The following EDF1 variants were observed in gnomAD, a reference collection of about 807,000 sequenced individuals.
EDF1 encodes the protein endothelial differentiation-related factor 1.
EDF1 carries 5 observed loss-of-function variants against 20.8 expected under a neutral mutation model. The ratio of observed to expected loss-of-function variants is 0.24; its 90% CI spans 0.13 to 0.51. The LOEUF is 0.51. Among genes scored for constraint, EDF1 ranks in the 20% least tolerant of loss-of-function variants. The probability of loss-of-function intolerance (pLI) is 0.97; values close to 1 mark genes in which losing one functional copy is unlikely to be tolerated. For missense variants in EDF1, 137 were observed against 197.8 expected, an observed-to-expected ratio of 0.69 and a Z score of 1.84; for synonymous variants, 96 against 78.5, an observed-to-expected ratio of 1.22 and a Z score of -1.18.
Position 136,862,355 on chromosome 9 carries a change from G to A in EDF1, c.386-10C>T, listed in dbSNP as rs777330656. On this transcript the variant is annotated splice_polypyrimidine_tract_variant and intron_variant, in intron 4 of 4. Transcript: ENST00000224073. The surrounding 1 kb of genome is among the most constrained non-coding windows in gnomAD (Gnocchi z 4.1). ...CCCCGGAGCTTGAGGCCTGAAATGAGCCACAGCCACTGGCCACTGCAGCAC... is the reference window on the plus strand; with the variant it reads ...CCCCGGAGCTTGAGGCCTGAAATGAACCACAGCCACTGGCCACTGCAGCAC... 18 of 1,613,954 alleles carry A rather than the reference G, an allele frequency of 1.1e-5. No homozygotes were observed. The highest frequency in any genetic ancestry group is 1.5e-5 in the Non-Finnish European group (18 of 1,180,002).
chr9:136,865,916 C>T (rs1037071585), intron 1 of EDF1, among the ~76,000 whole-genome samples: 2 of 151,038 alleles, frequency 1.3e-5, no homozygotes, highest in African/African-American at 2.4e-5. Context: ...CTCCAGTCGC[C>T]CGCCCCCTGC....
chr9:136,864,008 T>C (rs1849165153), intron 1 of EDF1, 137 bp from the exon 2 acceptor site: 13 of 852,558 alleles, frequency 1.5e-5, no homozygotes, highest in Admixed American at 2.3e-5. Flanking sequence ...CAGTCCTGGG[T>C]TCAGTTACCT....
At position 136,866,105 on chromosome 9, in the gene EDF1, C is replaced by G. The variant is rs1849220253; in HGVS notation, c.78+76G>C. 12 of 1,460,892 alleles carry G rather than the reference C, an allele frequency of 8.2e-6. No homozygotes were observed. The South Asian group carries it at 1.5e-4, about 18-fold the overall frequency. 90.5% of individuals were successfully genotyped at this position (1,460,892 alleles called of 1,614,324 possible). A position where few individuals can be genotyped will look rare whatever the true frequency, so the allele number is the denominator to read the frequency against. On this transcript the variant is annotated intron_variant, in intron 1 of 4. Coordinates refer to ENST00000224073, the MANE Select transcript of EDF1 (RefSeq NM_003792.4). ...AGGCCCCGCCTGCCCTTCCCCGAGCCCCCTGCCCCACGGTCCGTGGCCCCG... is the reference window on the plus strand; with the variant it reads ...AGGCCCCGCCTGCCCTTCCCCGAGCGCCCTGCCCCACGGTCCGTGGCCCCG...
rs1036614558 is a variant in EDF1 at position 136,866,280 on chromosome 9, G to A, written c.-22C>T. The stretch of plus-strand genomic sequence containing the variant: ...CCATGGCGGGCGAAGACGAGCGTCC[G>A]TCCGGCGGCTCAGCGGCAGCTGCTA... On this transcript the variant is annotated 5_prime_UTR_variant, in exon 1 of 5. The change creates a new upstream start codon in the 5' untranslated region. Transcript: ENST00000224073. 7 of 1,591,640 alleles carry A rather than the reference G, an allele frequency of 4.4e-6. No individual in the cohort carries two copies. The highest frequency in any genetic ancestry group is 1.7e-5 in the Admixed American group (1 of 58,628).
chr9:136,866,267 A>C lies in EDF1; in HGVS notation c.-9T>G. ...CAGTCGCTCTCGGCCATGGCGGGCG[A>C]AGACGAGCGTCCGTCCGGCGGCTCA... On this transcript the variant is annotated 5_prime_UTR_variant, in exon 1 of 5. Transcript: ENST00000224073. The C allele has an allele frequency of 6.3e-7, 1 of 1,594,048 alleles. No individual in the cohort carries two copies. Among genetic ancestry groups the C allele is most frequent in the Non-Finnish European group, 8.5e-7 (1 of 1,173,774 alleles).
At position 136,863,109 on chromosome 9, in the gene EDF1, C is replaced by G; in HGVS notation, c.292-110G>C. 1 of 1,531,480 alleles carries G rather than the reference C, an allele frequency of 6.5e-7. No individual in the cohort carries two copies. Among genetic ancestry groups the G allele is most frequent in the Non-Finnish European group, 8.9e-7 (1 of 1,117,828 alleles). The allele number at this position is 1,531,480 out of a possible 1,614,324, so 94.9% of individuals were successfully genotyped here. A position where few individuals can be genotyped will look rare whatever the true frequency, so the allele number is the denominator to read the frequency against. On this transcript the variant is annotated intron_variant, in intron 3 of 4. Coordinates refer to ENST00000224073, the MANE Select transcript of EDF1 (RefSeq NM_003792.4). This position sits in a 1 kb window ranked among gnomAD's most constrained non-coding sequence, Gnocchi z 4.5. ...CTTCTAGGGCCCCTGGGGTACGCAC[C>G]CACACGCAGCTGGGTTTTGTGCGAG...
chr9:136,862,607 T>G lies in EDF1; in HGVS notation c.386-262A>C. The G allele has an allele frequency of 6.5e-7, 1 of 1,538,126 alleles. No homozygotes were observed. On this transcript the variant is annotated intron_variant, in intron 4 of 4. Coordinates refer to ENST00000224073, the MANE Select transcript of EDF1 (RefSeq NM_003792.4). This position sits in a 1 kb window ranked among gnomAD's most constrained non-coding sequence, Gnocchi z 4.1. ...GTGGAACTGGCTTCCGGCCCCATGCTGACAGGGCCCGGACCCGCTGTGCTC... is the reference window on the plus strand; with the variant it reads ...GTGGAACTGGCTTCCGGCCCCATGCGGACAGGGCCCGGACCCGCTGTGCTC...
Position 136,863,669 on chromosome 9 carries a change from GAA to G in EDF1, c.130+149_130+150del. On this transcript the variant is annotated intron_variant, in intron 2 of 4. Coordinates refer to ENST00000224073, the MANE Select transcript of EDF1 (RefSeq NM_003792.4). This position sits in a 1 kb window ranked among gnomAD's most constrained non-coding sequence, Gnocchi z 4.5. ...CTCATGCCAACCAGAGCTGCTCTGGGAAGATGGCTGCCTCCCAGGGCTCCGGC... is the reference window on the plus strand; with the variant it reads ...CTCATGCCAACCAGAGCTGCTCTGGGGATGGCTGCCTCCCAGGGCTCCGGC... 1.8e-6 allele frequency: 2 copies of G among 1,114,018 alleles called. No individual in the cohort carries two copies. The highest frequency in any genetic ancestry group is 2.9e-5 in the South Asian group (2 of 69,746). 69.0% of individuals were successfully genotyped at this position (1,114,018 alleles called of 1,614,324 possible).
At chr9:136,865,721 T>A (rs1300074540) in intron 1 of EDF1, among the ~76,000 whole-genome samples, 1 of 149,870 alleles carries the variant, frequency 6.7e-6, no homozygotes, top group Non-Finnish European at 1.5e-5. Flanking sequence ...ACCCTGGTTC[T>A]CTGTCCCCTA....
In EDF1 at chr9:136,862,245, C is replaced by G. The variant is rs370069196; in HGVS notation, c.*39G>C. On this transcript the variant is annotated 3_prime_UTR_variant, in exon 5 of 5. Transcript: ENST00000224073. The surrounding 1 kb of genome is among the most constrained non-coding windows in gnomAD (Gnocchi z 4.1). ...TGGCGGCCAAGGGGAACCGGCGGAA[C>G]GAGATCAGCTGGAGCGCACTGATTT... 6 of 1,612,768 alleles carry G rather than the reference C, an allele frequency of 3.7e-6. No homozygotes were observed. The African/African-American group carries it at 5.3e-5, about 14-fold the overall frequency.
chr9:136,863,131 CGA>C lies in EDF1; in HGVS notation c.292-134_292-133del. 7.3e-6 allele frequency: 11 copies of C among 1,511,488 alleles called. No homozygotes were observed. The highest frequency in any genetic ancestry group is 2.3e-5 in the South Asian group (2 of 85,658). The allele number at this position is 1,511,488 out of a possible 1,614,324, so 93.6% of individuals were successfully genotyped here. A position where few individuals can be genotyped will look rare whatever the true frequency, so the allele number is the denominator to read the frequency against. ...CACCCACACGCAGCTGGGTTTTGTG[CGA>C]GAGGCAGTGAGAGCCGGGCTGACCT... is the stretch of plus-strand genomic sequence containing the variant. On this transcript the variant is annotated intron_variant, in intron 3 of 4. Coordinates refer to ENST00000224073, the MANE Select transcript of EDF1 (RefSeq NM_003792.4). The surrounding 1 kb of genome is among the most constrained non-coding windows in gnomAD (Gnocchi z 4.5).
chr9:136,865,992 C>T (rs1371417088), intron 1 of EDF1, among the ~76,000 whole-genome samples, 189 bp downstream of exon 1: 9 of 136,300 alleles, frequency 6.6e-5, no homozygotes, highest in Admixed American at 4.5e-4. Context: ...CTGGCCCGGT[C>T]CTCCTACCCC....
intron 1 of EDF1, among the ~76,000 whole-genome samples, chr9:136,865,181 G>C (rs1244854351): frequency 6.6e-6 from 1 of 152,152 alleles, no homozygotes; most frequent in African/African-American, 2.4e-5. Flanking sequence ...CTGAGGGTAC[G>C]AATGAGGCAG....
Position 136,864,903 on chromosome 9 carries a change from G to A in EDF1, c.79-1032C>T, listed in dbSNP as rs139001434. On this transcript the variant is annotated intron_variant, in intron 1 of 4. Coordinates refer to ENST00000224073, the MANE Select transcript of EDF1 (RefSeq NM_003792.4). ...CTCCCAGAGTGCTGGGATTACAGGC[G>A]TGAGCCACCGCGCCCGGCCAACATT... 2.2e-3 allele frequency among the ~76,000 whole-genome samples: 339 copies of A among 152,288 alleles called. 1 individual carries two copies. The highest frequency in any genetic ancestry group is 4.3e-3 in the Non-Finnish European group (291 of 68,030).
Position 136,866,273 on chromosome 9 carries a change from A to G in EDF1, c.-15T>C. On this transcript the variant is annotated 5_prime_UTR_variant, in exon 1 of 5. Transcript: ENST00000224073. Reference sequence around the variant, plus strand: ...CTCTCGGCCATGGCGGGCGAAGACGAGCGTCCGTCCGGCGGCTCAGCGGCA... The same window carrying G: ...CTCTCGGCCATGGCGGGCGAAGACGGGCGTCCGTCCGGCGGCTCAGCGGCA... 5 of 1,593,276 alleles carry G rather than the reference A, an allele frequency of 3.1e-6. No homozygotes were observed. The highest frequency in any genetic ancestry group is 2.6e-6 in the Non-Finnish European group (3 of 1,173,520).
At position 136,862,141 on chromosome 9, in the gene EDF1, T is replaced by G; in HGVS notation, c.*143A>C. On this transcript the variant is annotated 3_prime_UTR_variant, in exon 5 of 5. Transcript: ENST00000224073. The surrounding 1 kb of genome is among the most constrained non-coding windows in gnomAD (Gnocchi z 4.1). ...CAGCGCTTTGCAAGGTTTTGTTTGTTTGACAGCAGGAATGGGCTGGGGAGG... is the reference window on the plus strand; with the variant it reads ...CAGCGCTTTGCAAGGTTTTGTTTGTGTGACAGCAGGAATGGGCTGGGGAGG... 3.8e-6 allele frequency: 4 copies of G among 1,066,232 alleles called. No homozygotes were observed. Among genetic ancestry groups the G allele is most frequent in the Non-Finnish European group, 5.6e-6 (4 of 708,646 alleles). 66.0% of individuals were successfully genotyped at this position (1,066,232 alleles called of 1,614,324 possible).
chr9:136,866,269 G>C lies in EDF1; in HGVS notation c.-11C>G, dbSNP rs1342230240. 2 of 1,593,858 alleles carry C rather than the reference G, an allele frequency of 1.3e-6. No individual in the cohort carries two copies. Among genetic ancestry groups the C allele is most frequent in the African/African-American group, 2.8e-5 (2 of 72,230 alleles). Reference sequence around the variant, plus strand: ...GTCGCTCTCGGCCATGGCGGGCGAAGACGAGCGTCCGTCCGGCGGCTCAGC... The same window carrying C: ...GTCGCTCTCGGCCATGGCGGGCGAACACGAGCGTCCGTCCGGCGGCTCAGC... On this transcript the variant is annotated 5_prime_UTR_variant, in exon 1 of 5. Transcript: ENST00000224073.
chr9:136,862,131 T>G lies in EDF1; in HGVS notation c.*153A>C. The G allele has an allele frequency of 1.0e-6, 1 of 979,596 alleles. No homozygotes were observed. The highest frequency in any genetic ancestry group is 1.6e-6 in the Non-Finnish European group (1 of 632,762). 60.7% of individuals were successfully genotyped at this position (979,596 alleles called of 1,614,324 possible). On this transcript the variant is annotated 3_prime_UTR_variant, in exon 5 of 5. Transcript: ENST00000224073. This position sits in a 1 kb window ranked among gnomAD's most constrained non-coding sequence, Gnocchi z 4.1. ...CAGCAGAACCCAGCGCTTTGCAAGG[T>G]TTTGTTTGTTTGACAGCAGGAATGG...
chr9:136,862,672 A>G lies in EDF1; in HGVS notation c.385+234T>C. On this transcript the variant is annotated intron_variant, in intron 4 of 4. Coordinates refer to ENST00000224073, the MANE Select transcript of EDF1 (RefSeq NM_003792.4). This position sits in a 1 kb window ranked among gnomAD's most constrained non-coding sequence, Gnocchi z 4.1. ...ATCGCCAACAGCACAGGCTGACGGG[A>G]ACTGGCAAGGGGAAGGGACTCGGAC... 6.7e-7 allele frequency: 1 copy of G among 1,490,532 alleles called. No individual in the cohort carries two copies. The highest frequency in any genetic ancestry group is 8.9e-7 in the Non-Finnish European group (1 of 1,126,650). The allele number at this position is 1,490,532 out of a possible 1,614,324, so 92.3% of individuals were successfully genotyped here. A position where few individuals can be genotyped will look rare whatever the true frequency, so the allele number is the denominator to read the frequency against.
Sources: allele counts gnomAD v4.1 joint callset (sites outside exome capture counted in the v4.1 genomes callset), GRCh38; gene constraint gnomAD v4.1.1; non-coding constraint Gnocchi (gnomAD v3.1); transcripts MANE v1.5; gene names NCBI Gene and HGNC (gene_info 2026-07-23, HGNC 2026-07-21).